Variants in TMEM232 observed in about 807,000 individuals in gnomAD.
TMEM232 encodes the protein transmembrane protein 232.
TMEM232 carries 80 observed loss-of-function variants against 78.8 expected under a neutral mutation model. The observed-to-expected ratio is 1.01, with a 90% CI of 0.85 to 1.22. TMEM232 has a LOEUF of 1.22. Among genes scored for constraint, TMEM232 ranks in the 50% most tolerant of loss-of-function variants. TMEM232 has a pLI of 0.00. For synonymous variants in TMEM232, 297 were observed against 254.3 expected (o/e 1.17, Z -1.60); for missense variants, 881 against 742.2 (o/e 1.19, Z -2.17).
At chr5:110,680,074 G>A (rs766376168) in intron 1 of TMEM232, among the ~76,000 whole-genome samples, 2 of 152,016 alleles carry the variant, frequency 1.3e-5, no homozygotes, top group Non-Finnish European at 1.5e-5. Context: ...TGTTTGTCCT[G>A]TTTTGTTTCA....
intron 1 of TMEM232, among the ~76,000 whole-genome samples, chr5:110,696,621 C>G (rs1794816808): frequency 6.6e-6 from 1 of 152,152 alleles, no homozygotes; most frequent in Admixed American, 6.5e-5. Context: ...GATACAAAAT[C>G]AATGTACAAA....
chr5:110,710,207 C>A (rs1262871208), intron 1 of TMEM232, among the ~76,000 whole-genome samples: 3 of 152,004 alleles, frequency 2.0e-5, no homozygotes, highest in African/African-American at 7.2e-5. Context: ...AAGATTGAAC[C>A]ATGAAGAAAT....
chr5:110,433,929 C>T (rs552915459), intron 12 of TMEM232, among the ~76,000 whole-genome samples: 4 of 151,762 alleles, frequency 2.6e-5, no homozygotes, highest in African/African-American at 9.7e-5. Flanking sequence ...GGGATATTAG[C>T]CTGTAGTTTT....
At chr5:110,391,326 T>TGTGTGTGTGAGAGAGAGA (rs549361387) in intron 3 of TMEM232, among the ~76,000 whole-genome samples, 3 of 139,814 alleles carry the variant, frequency 2.1e-5, no homozygotes, top group African/African-American at 8.8e-5. Context: ...TGTGTGTGTG[T>TGTGTGTGTGAGAGAGAGA]GAGAGAGAGA....
intron 8 of TMEM232, among the ~76,000 whole-genome samples, chr5:110,606,696 T>A (rs1254021774): frequency 6.6e-6 from 1 of 152,012 alleles, no homozygotes; most frequent in Admixed American, 6.6e-5. Flanking sequence ...AGCAATTTTT[T>A]AAAAACGGCC....
chr5:110,667,474 G>A, intron 1 of TMEM232, 110 bp from the exon 2 acceptor site: 2 of 792,350 alleles, frequency 2.5e-6, no homozygotes, highest in Middle Eastern at 4.0e-4. Flanking sequence ...CTAAAGTTAG[G>A]CTTAAGAATA....
intron 11 of TMEM232, among the ~76,000 whole-genome samples, chr5:110,536,890 G>C (rs751286826): frequency 1.3e-4 from 20 of 152,140 alleles, no homozygotes; most frequent in Admixed American, 1.1e-3. Context: ...TAAAAGGGTT[G>C]CTTTAAGTGG....
chr5:110,394,079 A>G (rs1755301051), intron 3 of TMEM232, among the ~76,000 whole-genome samples: 1 of 151,554 alleles, frequency 6.6e-6, no homozygotes, highest in Non-Finnish European at 1.5e-5. Flanking sequence ...AACCATCTTT[A>G]TTGCCACTTC....
intron 12 of TMEM232, among the ~76,000 whole-genome samples, chr5:110,464,002 C>T (rs764969267): frequency 3.3e-5 from 5 of 152,188 alleles, no homozygotes; most frequent in Non-Finnish European, 7.3e-5. Context: ...CTCATTTTAT[C>T]ATATGGGTCT....
intron 12 of TMEM232, among the ~76,000 whole-genome samples, chr5:110,466,837 G>A (rs531747925): frequency 5.0e-4 from 76 of 151,804 alleles, no homozygotes; most frequent in Admixed American, 3.3e-4. Context: ...GGATGGTCTC[G>A]ATCTCCTGAC....
At chr5:110,596,063 C>T (rs1303214257) in intron 10 of TMEM232, among the ~76,000 whole-genome samples, 1 of 152,138 alleles carries the variant, frequency 6.6e-6, no homozygotes, top group South Asian at 2.1e-4. Context: ...GCCCATCAGA[C>T]TAACGGCAGA....
At chr5:110,592,002 C>T (rs774667812) in intron 10 of TMEM232, among the ~76,000 whole-genome samples, 91 of 152,198 alleles carry the variant, frequency 6.0e-4, no homozygotes, top group African/African-American at 2.1e-3. Flanking sequence ...AATGATCATG[C>T]ATGCAGGACA....
chr5:110,646,241 T>G (rs1580485910), intron 2 of TMEM232, among the ~76,000 whole-genome samples: 1 of 151,750 alleles, frequency 6.6e-6, no homozygotes, highest in Admixed American at 6.6e-5. Context: ...AACATTCATA[T>G]GGAACTACAA....
chr5:110,667,290 A>C lies in TMEM232; in HGVS notation c.63T>G (p.Tyr21Ter). ...AATTTAATTTCCAGAGCTCTTCATG[A>C]TAAGGGGAAGATATGCCTCCACATG... ...INTCGGISSPYHEELWKLNFQ... is the reference protein window; with the variant it reads ...INTCGGISSP Residue 21 changes from tyrosine (Y) to a stop codon, truncating the protein, a stop_gained, in exon 2 of 14, where the codon TAT becomes TAG. Coordinates refer to ENST00000455884, the MANE Select transcript of TMEM232 (RefSeq NM_001039763.4). LOFTEE classifies it high-confidence loss of function. 1 of 1,545,672 alleles carries C rather than the reference A, an allele frequency of 6.5e-7. No homozygotes were observed. The highest frequency in any genetic ancestry group is 8.7e-7 in the Non-Finnish European group (1 of 1,143,010).
At chr5:110,471,217 A>G (rs1196469904) in intron 12 of TMEM232, among the ~76,000 whole-genome samples, 2 of 152,172 alleles carry the variant, frequency 1.3e-5, no homozygotes, top group Non-Finnish European at 2.9e-5. Flanking sequence ...AAAGAAAAAC[A>G]TAAGAATGAA....
At chr5:110,618,688 T>G (rs1783247578) in intron 7 of TMEM232, 126 bp from the exon 8 acceptor site, 7 of 1,018,856 alleles carry the variant, frequency 6.9e-6, no homozygotes, top group Non-Finnish European at 9.6e-6. Context: ...TCTTACACTT[T>G]ATATTTCACC....
rs537260593 is a variant in TMEM232 at position 110,676,576 on chromosome 5, T to TTGTA, written c.-12-9216_-12-9213dup. On this transcript the variant is annotated intron_variant, in intron 1 of 13. Transcript: ENST00000455884. ...GTGAGCCACCACACCCATCTAATGT[T>TTGTA]TGTATGTATGTATGTATGTATTTAT... Among the ~76,000 whole-genome samples the TTGTA allele has an allele frequency of 1.6e-4, 24 of 151,462 alleles. No individual in the cohort carries two copies. In the South Asian group the frequency reaches 1.9e-3, roughly 12 times the overall value.
chr5:110,541,978 T>G (rs1581149989), intron 11 of TMEM232, among the ~76,000 whole-genome samples: 1 of 152,230 alleles, frequency 6.6e-6, no homozygotes, highest in Middle Eastern at 3.4e-3. Context: ...ACAACCCAAA[T>G]GGAAGGCACC....
chr5:110,605,691 A>T (rs986450167), intron 9 of TMEM232, among the ~76,000 whole-genome samples: 4 of 152,126 alleles, frequency 2.6e-5, no homozygotes, highest in African/African-American at 9.6e-5. Context: ...ACTTTCATTT[A>T]TTGTTCATAG....
Sources: allele counts gnomAD v4.1 joint callset (sites outside exome capture counted in the v4.1 genomes callset), GRCh38; gene constraint gnomAD v4.1.1; transcripts MANE v1.5; gene names NCBI Gene and HGNC (gene_info 2026-07-23, HGNC 2026-07-21).